Variants in DGLUCY observed in about 807,000 individuals in gnomAD.
DGLUCY encodes D-glutamate cyclase, mitochondrial.
A neutral mutation model predicts 58.5 loss-of-function variants in DGLUCY; 58 were observed. That is an observed-to-expected ratio of 0.99 (90% CI 0.80 to 1.23). DGLUCY has a LOEUF of 1.23. Ranked by LOEUF, DGLUCY falls within the 50% of genes most tolerant of loss-of-function variation. The probability of loss-of-function intolerance (pLI) is 0.00; values close to 1 mark genes in which losing one functional copy is unlikely to be tolerated. For missense variants in DGLUCY, 779 were observed against 784.7 expected (o/e 0.99, Z 0.09); for synonymous variants, 325 against 314.1 (o/e 1.03, Z -0.37).
intron 1 of DGLUCY, among the ~76,000 whole-genome samples, chr14:91,077,191 A>G (rs945833598): frequency 1.3e-5 from 2 of 151,804 alleles, no homozygotes; most frequent in Admixed American, 6.6e-5. Flanking sequence ...GGTCGCAGTG[A>G]GCCGTGATCG....
At position 91,215,566 on chromosome 14, in the gene DGLUCY, C is replaced by A. The variant is rs1886389271; in HGVS notation, c.1716+10C>A. The A allele has an allele frequency of 6.2e-7, 1 of 1,613,662 alleles. No individual in the cohort carries two copies. Among genetic ancestry groups the A allele is most frequent in the Non-Finnish European group, 8.5e-7 (1 of 1,179,658 alleles). On this transcript the variant is annotated intron_variant, in intron 13 of 13. Coordinates refer to ENST00000256324, the MANE Select transcript of DGLUCY (RefSeq NM_001102368.3). ...CCCGTCGGTCATTAAGGTAACAAAC[C>A]CCAGCCAGCCGCTCGCCTGGAAGCA...
At chr14:91,181,068 G>C (rs1420526417) in intron 7 of DGLUCY, 118 bp from the exon 8 acceptor site, 1 of 842,332 alleles carries the variant, frequency 1.2e-6, no homozygotes, top group Non-Finnish European at 1.9e-6. Context: ...GTGGTATAGG[G>C]AGTGCTTAGG....
chr14:91,098,112 G>A (rs888791435), intron 1 of DGLUCY, among the ~76,000 whole-genome samples: 3 of 152,196 alleles, frequency 2.0e-5, no homozygotes, highest in Non-Finnish European at 2.9e-5. Flanking sequence ...CCATATAGAT[G>A]TAAAGGACCC....
rs1212824002 is a variant in DGLUCY, at chr14:91,179,654, G to A, written c.731-1532G>A. Among the ~76,000 whole-genome samples the A allele has an allele frequency of 2.0e-5, 3 of 150,538 alleles. No individual in the cohort carries two copies. In the East Asian group the frequency reaches 6.0e-4, roughly 30 times the overall value. On this transcript the variant is annotated intron_variant, in intron 7 of 13. Transcript: ENST00000256324. ...TAATCCCAGCTACTCAGGAGGCTGAGACAGGAGAATTTCTTGAACCCGGGA... is the reference window on the plus strand; with the variant it reads ...TAATCCCAGCTACTCAGGAGGCTGAAACAGGAGAATTTCTTGAACCCGGGA...
rs1477923324 is a variant in DGLUCY at position 91,223,963 on chromosome 14, C to T, written c.1717-721C>T. On this transcript the variant is annotated intron_variant, in intron 13 of 13. Coordinates refer to ENST00000256324, the MANE Select transcript of DGLUCY (RefSeq NM_001102368.3). ...CCCCAAACCACTCTGCCTGCTAGGC[C>T]CCGGGCTGCGGCTTCAGGATGGGGG... 5.3e-5 allele frequency among the ~76,000 whole-genome samples: 8 copies of T among 152,144 alleles called. No homozygotes were observed. In the East Asian group the frequency reaches 1.3e-3, roughly 26 times the overall value.
chr14:91,160,473 G>A (rs2140346407), intron 3 of DGLUCY, 76 bp downstream of exon 3: 1 of 1,046,710 alleles, frequency 9.6e-7, no homozygotes, highest in South Asian at 1.5e-5. Flanking sequence ...GCTGTGTAGG[G>A]CCCACAAACT....
chr14:91,074,114 TATATACACACACACACACAC>T (rs1595609869), intron 1 of DGLUCY, among the ~76,000 whole-genome samples: 1 of 64,516 alleles, frequency 1.6e-5, no homozygotes, highest in African/African-American at 5.5e-5. Flanking sequence ...AATATATATA[TATATACACACACACACACAC>T]ACACACACAC....
At chr14:91,110,704 G>A (rs1460610615), upstream of DGLUCY, among the ~76,000 whole-genome samples, 1 of 152,062 alleles carries the variant, frequency 6.6e-6, no homozygotes, top group Non-Finnish European at 1.5e-5. Context: ...CCAAAGTTTT[G>A]AGATTACAGG....
At chr14:91,189,987 T>C (rs1245724654) in intron 9 of DGLUCY, among the ~76,000 whole-genome samples, 2 of 120,176 alleles carry the variant, frequency 1.7e-5, no homozygotes, top group African/African-American at 8.7e-5. Context: ...TCTTTTTTTT[T>C]TTTTTTTTTT....
intron 1 of DGLUCY, among the ~76,000 whole-genome samples, chr14:91,093,086 A>T (rs1174327397): frequency 6.6e-6 from 1 of 151,136 alleles, no homozygotes; most frequent in Admixed American, 6.6e-5. Context: ...TCAGTCTCAA[A>T]AAAAAAAAAA....
intron 1 of DGLUCY, among the ~76,000 whole-genome samples, chr14:91,090,091 G>C (rs2044286492): frequency 2.6e-5 from 4 of 152,098 alleles, no homozygotes; most frequent in African/African-American, 9.7e-5. Context: ...CAGGTATCTG[G>C]CTGGCGGCTG....
intron 1 of DGLUCY, among the ~76,000 whole-genome samples, chr14:91,122,387 A>G (rs1172099114): frequency 6.6e-6 from 1 of 152,154 alleles, no homozygotes; most frequent in African/African-American, 2.4e-5. Flanking sequence ...TTCTGGGCTC[A>G]GTCAATCCTC....
chr14:91,214,488 C>T (rs1039084391), intron 12 of DGLUCY, among the ~76,000 whole-genome samples: 6 of 152,336 alleles, frequency 3.9e-5, no homozygotes, highest in Middle Eastern at 3.4e-3. Context: ...TCCAGCGCGA[C>T]GGGGCTGTTT....
At chr14:91,087,759 G>A (rs6575173) in intron 1 of DGLUCY, among the ~76,000 whole-genome samples, 5,607 of 152,240 alleles carry the variant, frequency 0.037, 365 homozygotes, top group African/African-American at 0.13. Context: ...GGACGCGTCA[G>A]GTTATAAATG....
intron 1 of DGLUCY, among the ~76,000 whole-genome samples, chr14:91,132,482 T>A (rs375212498): frequency 6.6e-6 from 1 of 151,564 alleles, no homozygotes; most frequent in Admixed American, 6.6e-5. Flanking sequence ...CTTTTTCTTT[T>A]TTTTTTTTTT....
At chr14:91,106,008 G>A (rs1000459465), upstream of DGLUCY, among the ~76,000 whole-genome samples, 7 of 152,116 alleles carry the variant, frequency 4.6e-5, no homozygotes, top group East Asian at 1.9e-4. Context: ...GTAAAAATAC[G>A]GCATTATAAC....
At chr14:91,119,887 C>T (rs1465049037) in intron 1 of DGLUCY, among the ~76,000 whole-genome samples, 2 of 152,116 alleles carry the variant, frequency 1.3e-5, no homozygotes, top group Non-Finnish European at 2.9e-5. Flanking sequence ...ATGCTTCCTG[C>T]CCTCAAACAT....
In DGLUCY at chr14:91,074,435, G is replaced by A. The variant is rs2043985407; in HGVS notation, c.-82+13731G>A. On this transcript the variant is annotated intron_variant, in intron 1 of 4. Transcript: ENST00000521334. ...TCGAGGCTGCAGTGAGCTATGATGT[G>A]GTCTCATTGGACTCTAGCCTGGGTG... is the stretch of plus-strand genomic sequence containing the variant. 2.6e-5 allele frequency among the ~76,000 whole-genome samples: 4 copies of A among 151,482 alleles called. No individual in the cohort carries two copies. In the South Asian group the frequency reaches 8.3e-4, roughly 32 times the overall value.
upstream of DGLUCY, among the ~76,000 whole-genome samples, chr14:91,109,371 T>C (rs2044654386): frequency 6.6e-6 from 1 of 152,056 alleles, no homozygotes; most frequent in South Asian, 2.1e-4. Context: ...TGCTTCACCT[T>C]TCAAGAAAGG....
Sources: gnomAD v4.1 joint callset for allele counts (sites outside exome capture counted in the v4.1 genomes callset) on GRCh38, gnomAD v4.1.1 for gene constraint, MANE v1.5 for transcripts, NCBI Gene and HGNC (gene_info 2026-07-23, HGNC 2026-07-21) for gene names.